The following TMEM132D variants were observed in gnomAD, a reference collection of about 807,000 sequenced individuals.
The protein encoded by TMEM132D is transmembrane protein 132D, also known as mature OL transmembrane protein.
In TMEM132D, 21 loss-of-function variants were observed where a neutral mutation model predicts 62.3. The ratio of observed to expected loss-of-function variants is 0.34; its 90% CI spans 0.24 to 0.49. The LOEUF (loss-of-function observed/expected upper bound fraction) is 0.49. Ranked by LOEUF, TMEM132D falls within the 20% of genes least tolerant of loss-of-function variation. The probability of loss-of-function intolerance (pLI) is 0.99; values close to 1 mark genes in which losing one functional copy is unlikely to be tolerated. For synonymous variants in TMEM132D, 621 were observed against 575.6 expected, an observed-to-expected ratio of 1.08 and a Z score of -1.13; for missense variants, 1,346 against 1,402.8, an observed-to-expected ratio of 0.96 and a Z score of 0.65.
At chr12:129,250,117 G>A (rs1382813862) in intron 4 of TMEM132D, among the ~76,000 whole-genome samples, 2 of 152,122 alleles carry the variant, frequency 1.3e-5, no homozygotes, top group Admixed American at 1.3e-4. Flanking sequence ...GACAGCAATG[G>A]AGACGTCAAG....
chr12:129,499,222 AATAAC>A (rs1297293183), intron 3 of TMEM132D, among the ~76,000 whole-genome samples: 1 of 152,184 alleles, frequency 6.6e-6, no homozygotes, highest in Non-Finnish European at 1.5e-5. Context: ...TTATAAAACA[AATAAC>A]ATAATAAAAG....
chr12:129,183,591 T>C (rs114953099), intron 5 of TMEM132D, among the ~76,000 whole-genome samples: 1 of 152,214 alleles, frequency 6.6e-6, no homozygotes, highest in Non-Finnish European at 1.5e-5. Flanking sequence ...GGGACTTGTT[T>C]TGTTTTTTAA....
chr12:129,139,231 T>C (rs1876668608), intron 5 of TMEM132D, among the ~76,000 whole-genome samples: 1 of 152,134 alleles, frequency 6.6e-6, no homozygotes, highest in Non-Finnish European at 1.5e-5. Flanking sequence ...TTCTTTCCAG[T>C]AGAGAGCAAA....
chr12:129,892,861 G>C (rs1255699527), intron 1 of TMEM132D, among the ~76,000 whole-genome samples: 1 of 151,972 alleles, frequency 6.6e-6, no homozygotes, highest in East Asian at 1.9e-4. Flanking sequence ...AATGGCGCCT[G>C]TTTTAAGGAC....
intron 3 of TMEM132D, among the ~76,000 whole-genome samples, chr12:129,344,483 A>G (rs1252879788): frequency 6.6e-6 from 1 of 152,172 alleles, no homozygotes; most frequent in South Asian, 2.1e-4. Flanking sequence ...AACTTAGGGA[A>G]GTCAGTCTCT....
At chr12:129,509,626 A>G (rs765526004) in intron 3 of TMEM132D, among the ~76,000 whole-genome samples, 10 of 152,028 alleles carry the variant, frequency 6.6e-5, no homozygotes, top group Admixed American at 2.6e-4. Context: ...TCTGCCCCCA[A>G]CTACCTTTCC....
At chr12:129,476,277 G>A (rs1453358193) in intron 3 of TMEM132D, among the ~76,000 whole-genome samples, 13 of 152,234 alleles carry the variant, frequency 8.5e-5, no homozygotes, top group East Asian at 1.9e-4. Flanking sequence ...TAGGGCTATT[G>A]CCTTTGCTTG....
chr12:129,417,331 GA>G (rs1872156040), intron 3 of TMEM132D, among the ~76,000 whole-genome samples: 1 of 152,156 alleles, frequency 6.6e-6, no homozygotes, highest in Non-Finnish European at 1.5e-5. Context: ...AAAACAGGAT[GA>G]TACTGGTACC....
intron 5 of TMEM132D, among the ~76,000 whole-genome samples, chr12:129,139,364 A>G (rs1056912509): frequency 1.1e-4 from 16 of 152,204 alleles, no homozygotes; most frequent in South Asian, 2.1e-4. Context: ...CAGCATGGGC[A>G]TCAACCAGTT....
chr12:129,328,573 G>C (rs1868996525), intron 4 of TMEM132D, among the ~76,000 whole-genome samples: 1 of 152,212 alleles, frequency 6.6e-6, no homozygotes, highest in South Asian at 2.1e-4. Flanking sequence ...GTTCATTAGG[G>C]AACATCAGAG....
chr12:129,374,700 C>T lies in TMEM132D; in HGVS notation c.1116-36883G>A, dbSNP rs369251687. 6.6e-5 allele frequency among the ~76,000 whole-genome samples: 10 copies of T among 152,262 alleles called. No homozygotes were observed. In the East Asian group the frequency reaches 1.7e-3, roughly 27 times the overall value. ...GACAGCCACAGCATGAGGCCTTCCA[C>T]GTGGCCAGCAAGGACACCAAATTTT... On this transcript the variant is annotated intron_variant, in intron 3 of 8. Transcript: ENST00000422113.
At chr12:129,253,197 T>C (rs1027308505) in intron 4 of TMEM132D, among the ~76,000 whole-genome samples, 2 of 144,976 alleles carry the variant, frequency 1.4e-5, no homozygotes, top group Non-Finnish European at 3.0e-5. Flanking sequence ...AAAATAATAA[T>C]AATAAAATAA....
chr12:129,531,988 G>A lies in TMEM132D; in HGVS notation c.969-783C>T, dbSNP rs149980674. On this transcript the variant is annotated intron_variant, in intron 2 of 8. Coordinates refer to ENST00000422113, the MANE Select transcript of TMEM132D (RefSeq NM_133448.3). ...GGAGGATCACTTGAACCTGGGAGGC[G>A]GAGGCTGCAGTGAGCTGAGATCGAC... Among the ~76,000 whole-genome samples, 312 of 152,162 alleles carry A rather than the reference G, an allele frequency of 2.1e-3. 1 individual carries two copies. The highest frequency in any genetic ancestry group is 7.0e-3 in the African/African-American group (289 of 41,500).
intron 5 of TMEM132D, among the ~76,000 whole-genome samples, chr12:129,123,611 G>T (rs1227029874): frequency 6.6e-6 from 1 of 152,130 alleles, no homozygotes; most frequent in Non-Finnish European, 1.5e-5. Context: ...CAACTTGACT[G>T]GGTTAAGGGA....
chr12:129,366,906 A>G (rs1870432557), intron 3 of TMEM132D, among the ~76,000 whole-genome samples: 2 of 152,228 alleles, frequency 1.3e-5, no homozygotes, highest in African/African-American at 4.8e-5. Flanking sequence ...TTGGGGATTT[A>G]GGGTGGAATT....
intron 3 of TMEM132D, among the ~76,000 whole-genome samples, chr12:129,502,791 C>G (rs1433527369): frequency 1.3e-5 from 2 of 152,190 alleles, no homozygotes; most frequent in African/African-American, 4.8e-5. Flanking sequence ...CAGACCAATA[C>G]TCATGGCCAG....
chr12:129,329,946 T>C (rs1443436781), intron 4 of TMEM132D, among the ~76,000 whole-genome samples: 1 of 152,212 alleles, frequency 6.6e-6, no homozygotes, highest in African/African-American at 2.4e-5. Context: ...TTATTTAAAA[T>C]GTATTTCATC....
chr12:129,798,075 G>A (rs1037681567), intron 1 of TMEM132D, among the ~76,000 whole-genome samples: 1 of 152,064 alleles, frequency 6.6e-6, no homozygotes, highest in Admixed American at 6.6e-5. Context: ...TCTCTCTCTC[G>A]ATTGCACTCT....
intron 4 of TMEM132D, among the ~76,000 whole-genome samples, chr12:129,300,147 C>T (rs891229743): frequency 6.6e-6 from 1 of 152,106 alleles, no homozygotes; most frequent in East Asian, 1.9e-4. Flanking sequence ...ACCAAGTCAT[C>T]GTAGAGGAGA....
Sources: gnomAD v4.1 joint callset for allele counts (sites outside exome capture counted in the v4.1 genomes callset) on GRCh38, gnomAD v4.1.1 for gene constraint, MANE v1.5 for transcripts, NCBI Gene and HGNC (gene_info 2026-07-23, HGNC 2026-07-21) for gene names.